Variants in AMOTL1 observed in about 807,000 individuals in gnomAD.
The protein encoded by AMOTL1 is angiomotin like 1, also known as angiomotin-like protein 1.
In AMOTL1, 45 loss-of-function variants were observed where a neutral mutation model predicts 102.9. The ratio of observed to expected loss-of-function variants is 0.44; its 90% CI spans 0.34 to 0.56. The LOEUF is 0.56. AMOTL1 is among the 20% of genes least tolerant of loss of function. AMOTL1 has a pLI of 0.01. For synonymous variants in AMOTL1, 481 were observed against 484.7 expected (o/e 0.99, Z 0.10); for missense variants, 1,114 against 1,225.6 (o/e 0.91, Z 1.36).
chr11:94,727,873 A>G (rs1950286758), intron 1 of AMOTL1, among the ~76,000 whole-genome samples: 1 of 152,172 alleles, frequency 6.6e-6, no homozygotes, highest in African/African-American at 2.4e-5. Flanking sequence ...TGTTTGGTGC[A>G]TCTCCCATAA....
chr11:94,810,496 CAAAA>C (rs5793699), intron 3 of AMOTL1, among the ~76,000 whole-genome samples: 1 of 133,510 alleles, frequency 7.5e-6, no homozygotes, highest in Non-Finnish European at 1.6e-5. Context: ...TATTTTAGTC[CAAAA>C]AAAAAAAAAA....
intron 1 of AMOTL1, among the ~76,000 whole-genome samples, chr11:94,779,718 A>G (rs1028565581): frequency 6.6e-6 from 1 of 152,184 alleles, no homozygotes; most frequent in Non-Finnish European, 1.5e-5. Context: ...TTCTGGTCAC[A>G]TTGATTTAGA....
chr11:94,823,171 C>T (rs189336875), intron 4 of AMOTL1, among the ~76,000 whole-genome samples: 1 of 152,146 alleles, frequency 6.6e-6, no homozygotes, highest in African/African-American at 2.4e-5. Flanking sequence ...TGAGGGTTGT[C>T]AGGGAGCAGT....
intron 1 of AMOTL1, among the ~76,000 whole-genome samples, chr11:94,777,686 G>T (rs149978501): frequency 2.0e-5 from 3 of 152,128 alleles, no homozygotes; most frequent in Non-Finnish European, 2.9e-5. Context: ...TTAGGCAGTA[G>T]TCACAATTAT....
chr11:94,795,240 A>T, intron 2 of AMOTL1, 80 bp downstream of exon 2: 1 of 1,508,184 alleles, frequency 6.6e-7, no homozygotes, highest in Non-Finnish European at 9.1e-7. Context: ...TGCATAATTC[A>T]GATGTTTATT....
chr11:94,724,347 G>C (rs116933859), intron 1 of AMOTL1, among the ~76,000 whole-genome samples: 4,609 of 152,196 alleles, frequency 0.03, 78 homozygotes, highest in Non-Finnish European at 0.047. Flanking sequence ...GAGGATTGCT[G>C]GTGAATATTA....
At chr11:94,731,292 G>A (rs1950346764) in intron 2 of AMOTL1, among the ~76,000 whole-genome samples, 2 of 152,184 alleles carry the variant, frequency 1.3e-5, no homozygotes, top group South Asian at 4.1e-4. Flanking sequence ...GCAGGGCAGT[G>A]TTGTGGTGAA....
intron 3 of AMOTL1, among the ~76,000 whole-genome samples, chr11:94,808,311 G>C (rs1951601656): frequency 1.3e-5 from 2 of 152,104 alleles, no homozygotes; most frequent in Admixed American, 1.3e-4. Flanking sequence ...TGTGTATTCA[G>C]TTGAATACTT....
intron 9 of AMOTL1, among the ~76,000 whole-genome samples, chr11:94,860,845 T>G (rs1952759619): frequency 6.6e-6 from 1 of 152,212 alleles, no homozygotes; most frequent in Non-Finnish European, 1.5e-5. Flanking sequence ...TGGGTTACTA[T>G]ATTTTTAATG....
At chr11:94,744,269 C>A (rs868116955) in intron 3 of AMOTL1, among the ~76,000 whole-genome samples, 2 of 152,282 alleles carry the variant, frequency 1.3e-5, no homozygotes, top group Middle Eastern at 3.4e-3. Context: ...CTCAGGGAAG[C>A]ACTATGCTTA....
intron 1 of AMOTL1, among the ~76,000 whole-genome samples, chr11:94,770,097 C>T (rs560177149): frequency 4.1e-4 from 62 of 152,234 alleles, no homozygotes; most frequent in Middle Eastern, 6.8e-3. Context: ...GGGTCACTGC[C>T]AAACTGGCTA....
At chr11:94,794,260 G>A (rs1951328678) in intron 1 of AMOTL1, among the ~76,000 whole-genome samples, 1 of 152,234 alleles carries the variant, frequency 6.6e-6, no homozygotes, top group African/African-American at 2.4e-5. Flanking sequence ...AGTGCAGAGA[G>A]GGAAAACAGC....
rs1014532576 is a variant in AMOTL1 at position 94,872,701 on chromosome 11, T to C, written c.*1906T>C. 1 of 152,234 alleles carries C rather than the reference T, an allele frequency of 6.6e-6. No homozygotes were observed. The highest frequency in any genetic ancestry group is 2.4e-5 in the African/African-American group (1 of 41,440). 9.4% of individuals were successfully genotyped at this position (152,234 alleles called of 1,614,324 possible). On this transcript the variant is annotated 3_prime_UTR_variant, in exon 13 of 13. Transcript: ENST00000433060. ...GCCACCTGCTCATCACCTCCTCTAG[T>C]CTCACACTGAGCATCGGAGTACCTG...
intron 7 of AMOTL1, among the ~76,000 whole-genome samples, chr11:94,852,967 G>T (rs1412751985): frequency 1.3e-5 from 2 of 152,054 alleles, no homozygotes; most frequent in Non-Finnish European, 2.9e-5. Flanking sequence ...CTGTCATATA[G>T]ATAAGCATGC....
chr11:94,821,364 C>A (rs774791000), intron 3 of AMOTL1, among the ~76,000 whole-genome samples, 166 bp from the exon 4 acceptor site: 1 of 152,180 alleles, frequency 6.6e-6, no homozygotes, highest in Non-Finnish European at 1.5e-5. Context: ...CCCCAATAGC[C>A]GGAATGGTGC....
chr11:94,711,400 C>T (rs1950020218), intron 1 of AMOTL1, among the ~76,000 whole-genome samples: 1 of 152,036 alleles, frequency 6.6e-6, no homozygotes, highest in Admixed American at 6.6e-5. Flanking sequence ...AATATCAAAA[C>T]CAGGTAATTG....
intron 4 of AMOTL1, 33 bp downstream of exon 4, chr11:94,821,854 CA>C (rs1349699930): frequency 1.0e-5 from 16 of 1,602,702 alleles, no homozygotes; most frequent in Non-Finnish European, 1.4e-5. Context: ...GGGAGGGAGA[CA>C]AATTCTTTAC....
At chr11:94,727,790 C>T (rs1950284986) in intron 1 of AMOTL1, among the ~76,000 whole-genome samples, 2 of 152,172 alleles carry the variant, frequency 1.3e-5, no homozygotes, top group East Asian at 3.9e-4. Context: ...ACACAAATTG[C>T]TAGAGAAGCA....
chr11:94,809,499 G>GC (rs1951632883), intron 3 of AMOTL1, among the ~76,000 whole-genome samples: 1 of 152,218 alleles, frequency 6.6e-6, no homozygotes, highest in Non-Finnish European at 1.5e-5. Context: ...GCTGGATCAT[G>GC]CTGTGATTCC....
Sources: gnomAD v4.1 joint callset for allele counts (sites outside exome capture counted in the v4.1 genomes callset) on GRCh38, gnomAD v4.1.1 for gene constraint, MANE v1.5 for transcripts, NCBI Gene and HGNC (gene_info 2026-07-23, HGNC 2026-07-21) for gene names.